The following KIAA1671 variants were observed in gnomAD, a reference collection of about 807,000 sequenced individuals.
KIAA1671 encodes the protein KIAA1671, also known as uncharacterized protein KIAA1671.
KIAA1671 carries 52 observed loss-of-function variants against 131.2 expected under a neutral mutation model. That is an observed-to-expected ratio of 0.40 (90% CI 0.32 to 0.50). The LOEUF is 0.50. Ranked by LOEUF, KIAA1671 falls within the 20% of genes least tolerant of loss-of-function variation. The pLI is 0.73. For synonymous variants in KIAA1671, 1,003 were observed against 961.6 expected (o/e 1.04, Z -0.80); for missense variants, 2,360 against 2,364.2 (o/e 1.00, Z 0.04).
intron 6 of KIAA1671, among the ~76,000 whole-genome samples, chr22:25,108,972 C>A (rs1931182596): frequency 6.6e-6 from 1 of 152,326 alleles, no homozygotes; most frequent in East Asian, 1.9e-4. Context: ...GCCTCAGATT[C>A]TCTCCATGTG....
intron 1 of KIAA1671, among the ~76,000 whole-genome samples, chr22:24,975,152 G>C (rs191991811): frequency 1.3e-5 from 2 of 152,060 alleles, no homozygotes; most frequent in Non-Finnish European, 2.9e-5. Flanking sequence ...TTTCCTCCTC[G>C]GCCTTACACA....
intron 6 of KIAA1671, among the ~76,000 whole-genome samples, chr22:25,114,150 G>A: frequency 6.6e-6 from 1 of 152,212 alleles, no homozygotes; most frequent in Middle Eastern, 3.2e-3. Flanking sequence ...GCCACCAAGA[G>A]TGTAAATACA....
chr22:25,077,314 G>A (rs1040059507), intron 6 of KIAA1671, among the ~76,000 whole-genome samples: 4 of 149,364 alleles, frequency 2.7e-5, no homozygotes, highest in Non-Finnish European at 5.9e-5. Context: ...TGGAGGAACT[G>A]TGCTGAGGAT....
chr22:25,033,008 A>C (rs2145794298), intron 4 of KIAA1671, among the ~76,000 whole-genome samples: 1 of 152,270 alleles, frequency 6.6e-6, no homozygotes, highest in South Asian at 2.1e-4. Context: ...ATTTAGGTTT[A>C]AGATGTTAAT....
At chr22:25,126,208 A>G (rs1932179404) in intron 6 of KIAA1671, among the ~76,000 whole-genome samples, 1 of 152,220 alleles carries the variant, frequency 6.6e-6, no homozygotes, top group Non-Finnish European at 1.5e-5. Flanking sequence ...GCTTTCTGCC[A>G]AAGCCAGAAG....
At chr22:25,081,084 A>G (rs1189326234) in intron 6 of KIAA1671, among the ~76,000 whole-genome samples, 35 of 152,214 alleles carry the variant, frequency 2.3e-4, no homozygotes, top group Admixed American at 2.3e-3. Context: ...GGAACCGTAA[A>G]TGCAAGGCAG....
intron 6 of KIAA1671, among the ~76,000 whole-genome samples, chr22:25,129,324 T>C (rs1204475504): frequency 2.0e-5 from 3 of 151,872 alleles, no homozygotes; most frequent in Non-Finnish European, 2.9e-5. Context: ...CTGGCCAACA[T>C]GGTGAAACCC....
chr22:24,969,771 G>C (rs906622401), intron 1 of KIAA1671, among the ~76,000 whole-genome samples: 3 of 152,200 alleles, frequency 2.0e-5, no homozygotes, highest in African/African-American at 7.2e-5. Context: ...CCCTGGCTCT[G>C]TAACCGCTTG....
At chr22:24,955,227 T>C (rs1049369392) in intron 1 of KIAA1671, among the ~76,000 whole-genome samples, 3 of 152,230 alleles carry the variant, frequency 2.0e-5, no homozygotes, top group Non-Finnish European at 4.4e-5. Flanking sequence ...CATTCATTCA[T>C]TTATTTATCA....
At chr22:25,185,167 T>A in intron 11 of KIAA1671, 48 bp downstream of exon 11, 1 of 1,505,090 alleles carries the variant, frequency 6.6e-7, no homozygotes, top group South Asian at 1.3e-5. Context: ...AAACTCAGGC[T>A]ATACTTCTAG....
chr22:25,080,170 T>C (rs1175796926), intron 6 of KIAA1671, among the ~76,000 whole-genome samples: 1 of 151,468 alleles, frequency 6.6e-6, no homozygotes, highest in Non-Finnish European at 1.5e-5. Flanking sequence ...TTTGCACTTG[T>C]TGGTTGAGTT....
chr22:25,066,344 T>G (rs78440233), intron 6 of KIAA1671, among the ~76,000 whole-genome samples: 2,971 of 152,198 alleles, frequency 0.02, 103 homozygotes, highest in African/African-American at 0.068. Context: ...ACACAGGGTC[T>G]TATGATGTTG....
rs1926777351 is a variant in KIAA1671, at chr22:25,039,188, A to T, written c.2058A>T (p.Pro686=). The T allele has an allele frequency of 6.4e-7, 1 of 1,552,086 alleles. No individual in the cohort carries two copies. The highest frequency in any genetic ancestry group is 1.4e-5 in the African/African-American group (1 of 73,186). ...FDNPETEKLG[P]TTLLNGELRP... is the part of the protein sequence containing the mutation. ...ATCCCGAGACGGAGAAATTGGGACC[A>T]ACCACCCTTTTGAATGGTGAACTGA... Residue 686 remains proline, a synonymous_variant, in exon 5 of 13, where the codon CCA becomes CCT. Coordinates refer to ENST00000358431, the MANE Select transcript of KIAA1671 (RefSeq NM_001145206.2).
At chr22:24,964,521 A>G (rs562684515) in intron 1 of KIAA1671, among the ~76,000 whole-genome samples, 23 of 152,158 alleles carry the variant, frequency 1.5e-4, no homozygotes, top group African/African-American at 5.5e-4. Flanking sequence ...TCCCAGGCTC[A>G]AGTGATTCTC....
intron 8 of KIAA1671, chr22:25,176,695 C>T (rs767832052): frequency 6.6e-6 from 1 of 152,246 alleles, no homozygotes; most frequent in Non-Finnish European, 1.5e-5. Flanking sequence ...CACTTCCCAT[C>T]TCCTTACTGG....
chr22:24,962,651 A>G (rs1922074511), intron 1 of KIAA1671, among the ~76,000 whole-genome samples: 1 of 152,192 alleles, frequency 6.6e-6, no homozygotes, highest in Admixed American at 6.5e-5. Context: ...GGCACTTGCT[A>G]ATGAATTTAC....
At chr22:25,031,096 G>A (rs56029101) in intron 3 of KIAA1671, among the ~76,000 whole-genome samples, 21,019 of 151,500 alleles carry the variant, frequency 0.14, 1,811 homozygotes, top group Middle Eastern at 0.23. Context: ...TTGCAATCTC[G>A]GCCCACTGCA....
intron 6 of KIAA1671, among the ~76,000 whole-genome samples, chr22:25,153,915 T>C (rs775360975): frequency 1.1e-4 from 17 of 152,206 alleles, no homozygotes; most frequent in Non-Finnish European, 2.2e-4. Flanking sequence ...CCTGCTAACC[T>C]GGTGTCTCTT....
At chr22:24,975,102 A>G (rs1175873908) in intron 1 of KIAA1671, among the ~76,000 whole-genome samples, 1 of 152,118 alleles carries the variant, frequency 6.6e-6, no homozygotes, top group East Asian at 1.9e-4. Flanking sequence ...ATCACCTCCA[A>G]AAGGAAACCC....
Sources: gnomAD v4.1 joint callset for allele counts (sites outside exome capture counted in the v4.1 genomes callset) on GRCh38, gnomAD v4.1.1 for gene constraint, MANE v1.5 for transcripts, NCBI Gene and HGNC (gene_info 2026-07-23, HGNC 2026-07-21) for gene names.